The following PPP1R14C variants were observed in gnomAD, a reference collection of about 807,000 sequenced individuals.
PPP1R14C encodes protein phosphatase 1 regulatory inhibitor subunit 14C.
A neutral mutation model predicts 20.4 loss-of-function variants in PPP1R14C; 16 were observed. That is an observed-to-expected ratio of 0.78 (90% CI 0.53 to 1.19). The LOEUF (loss-of-function observed/expected upper bound fraction) is 1.19, where lower values mean the gene tolerates loss of function less well. PPP1R14C is among the 50% of genes most tolerant of loss of function. The pLI, the probability that PPP1R14C is intolerant of heterozygous loss-of-function variation, is 0.00. For missense variants in PPP1R14C, 211 were observed against 220.1 expected, an observed-to-expected ratio of 0.96 and a Z score of 0.26; for synonymous variants, 91 against 91.0, an observed-to-expected ratio of 1.00 and a Z score of 0.00.
chr6:150,225,581 G>T (rs568269695), intron 3 of PPP1R14C, among the ~76,000 whole-genome samples: 13 of 152,208 alleles, frequency 8.5e-5, no homozygotes, highest in African/African-American at 2.4e-4. Context: ...TTTTGAGTTT[G>T]TTCAGCTTTT....
intron 3 of PPP1R14C, among the ~76,000 whole-genome samples, chr6:150,231,940 A>C (rs1778300983): frequency 1.3e-5 from 2 of 152,240 alleles, no homozygotes; most frequent in South Asian, 4.1e-4. Context: ...GTGGTGCAAT[A>C]AAATAACTAT....
rs1413147265 is a variant in PPP1R14C at position 150,164,137 on chromosome 6, G to GCCCCTTTTCATA, written c.306+20640_306+20651dup. Among the ~76,000 whole-genome samples, 4 of 152,284 alleles carry GCCCCTTTTCATA rather than the reference G, an allele frequency of 2.6e-5. No homozygotes were observed. The East Asian group carries it at 5.8e-4, about 22-fold the overall frequency. On this transcript the variant is annotated intron_variant, in intron 1 of 3. Transcript: ENST00000361131. The stretch of plus-strand genomic sequence containing the variant: ...TTTACCTGATGGCTAGTCAAGTCCA[G>GCCCCTTTTCATA]CCCCTTTTCATATGTTTACTGGCCT...
intron 1 of PPP1R14C, 142 bp from the exon 2 acceptor site, chr6:150,214,602 C>G (rs1355036835): frequency 4.9e-6 from 3 of 613,632 alleles, no homozygotes; most frequent in Non-Finnish European, 8.6e-6. Flanking sequence ...CTCCTCTCCC[C>G]CTAGCCTCTC....
intron 1 of PPP1R14C, among the ~76,000 whole-genome samples, chr6:150,167,594 G>A (rs1041322428): frequency 1.3e-5 from 2 of 152,126 alleles, no homozygotes; most frequent in Non-Finnish European, 2.9e-5. Flanking sequence ...TATACGTTCT[G>A]GGAGAACATC....
intron 1 of PPP1R14C, among the ~76,000 whole-genome samples, chr6:150,174,000 T>C (rs186096764): frequency 0.012 from 1,807 of 150,190 alleles, 35 homozygotes; most frequent in African/African-American, 0.042. Flanking sequence ...AATTTGCTTA[T>C]TTGGCACCTC....
intron 1 of PPP1R14C, among the ~76,000 whole-genome samples, chr6:150,191,661 T>C (rs886595064): frequency 6.6e-6 from 1 of 152,238 alleles, no homozygotes. Context: ...ATCTGCAATA[T>C]AGTGTCAAGT....
intron 1 of PPP1R14C, among the ~76,000 whole-genome samples, chr6:150,189,283 C>T (rs1428292738): frequency 6.6e-6 from 1 of 152,178 alleles, no homozygotes; most frequent in Non-Finnish European, 1.5e-5. Context: ...CTCGAAAGCA[C>T]CAGGTGAAGG....
At chr6:150,186,980 C>CTT (rs777549797) in intron 1 of PPP1R14C, among the ~76,000 whole-genome samples, 4 of 145,282 alleles carry the variant, frequency 2.8e-5, no homozygotes, top group Non-Finnish European at 4.6e-5. Context: ...TTGACTTAGT[C>CTT]TTTTTTTTTT....
chr6:150,193,859 A>C (rs558186435), intron 1 of PPP1R14C, among the ~76,000 whole-genome samples: 1 of 152,204 alleles, frequency 6.6e-6, no homozygotes, highest in South Asian at 2.1e-4. Context: ...GCAGGCATTT[A>C]TTGAATGCCT....
At chr6:150,217,051 A>T (rs1270801128) in intron 3 of PPP1R14C, among the ~76,000 whole-genome samples, 195 bp downstream of exon 3, 3 of 152,248 alleles carry the variant, frequency 2.0e-5, no homozygotes, top group African/African-American at 7.2e-5. Context: ...GTTCAGAGAT[A>T]CTTAAAATTA....
chr6:150,249,196 AT>A lies in PPP1R14C; in HGVS notation c.*384del, dbSNP rs369337730. 2.3e-5 allele frequency: 9 copies of A among 398,506 alleles called. No homozygotes were observed. Among genetic ancestry groups the A allele is most frequent in the African/African-American group, 1.0e-4 (5 of 48,500 alleles). 24.7% of individuals were successfully genotyped at this position (398,506 alleles called of 1,614,324 possible). A position where few individuals can be genotyped will look rare whatever the true frequency, so the allele number is the denominator to read the frequency against. Reference sequence around the variant, plus strand: ...GTTTTCTTACAAGTAGTTTGGTAATATTTTTTTTCTTAAGTTGTACATTTGA... The same window carrying A: ...GTTTTCTTACAAGTAGTTTGGTAATATTTTTTTCTTAAGTTGTACATTTGA... On this transcript the variant is annotated 3_prime_UTR_variant, in exon 4 of 4. Coordinates refer to ENST00000361131, the MANE Select transcript of PPP1R14C (RefSeq NM_030949.3).
Position 150,249,246 on chromosome 6 carries a change from T to G in PPP1R14C, c.*426T>G. On this transcript the variant is annotated 3_prime_UTR_variant, in exon 4 of 4. Transcript: ENST00000361131. ...GACTCAGCTGTCAAATTTCTCACAC[T>G]TGTATATATCTACACACAACTAAGT... 1 of 399,942 alleles carries G rather than the reference T, an allele frequency of 2.5e-6. No individual in the cohort carries two copies. 24.8% of individuals were successfully genotyped at this position (399,942 alleles called of 1,614,324 possible).
At chr6:150,213,875 G>T (rs1206814276) in intron 1 of PPP1R14C, among the ~76,000 whole-genome samples, 1 of 152,338 alleles carries the variant, frequency 6.6e-6, no homozygotes, top group Non-Finnish European at 1.5e-5. Context: ...GAAAGAGGTT[G>T]ATTCACTCAC....
intron 2 of PPP1R14C, 137 bp downstream of exon 2, chr6:150,214,964 A>G (rs529063179): frequency 3.2e-6 from 2 of 622,372 alleles, no homozygotes; most frequent in Non-Finnish European, 5.6e-6. Flanking sequence ...CAGAGAGGAA[A>G]GCAATGGGCT....
chr6:150,200,212 AACAC>A (rs1296404890), intron 1 of PPP1R14C, among the ~76,000 whole-genome samples: 1 of 151,302 alleles, frequency 6.6e-6, no homozygotes, highest in Non-Finnish European at 1.5e-5. Flanking sequence ...ACATGTACAC[AACAC>A]ACACACACAC....
intron 1 of PPP1R14C, among the ~76,000 whole-genome samples, chr6:150,145,963 G>A (rs1427027656): frequency 6.6e-6 from 1 of 152,202 alleles, no homozygotes; most frequent in African/African-American, 2.4e-5. Context: ...GCAGTGTAAA[G>A]TGATGTATTT....
chr6:150,248,030 T>C (rs773173692), intron 3 of PPP1R14C, among the ~76,000 whole-genome samples: 3 of 152,168 alleles, frequency 2.0e-5, no homozygotes, highest in Non-Finnish European at 4.4e-5. Flanking sequence ...TTTTGCTGCG[T>C]CATGTCATGG....
intron 1 of PPP1R14C, among the ~76,000 whole-genome samples, chr6:150,174,222 A>G (rs1400613972): frequency 6.6e-6 from 1 of 152,144 alleles, no homozygotes; most frequent in Non-Finnish European, 1.5e-5. Flanking sequence ...GTATTTATAA[A>G]TCAATTACAA....
chr6:150,151,043 G>T (rs1249183754), intron 1 of PPP1R14C, among the ~76,000 whole-genome samples: 1 of 151,418 alleles, frequency 6.6e-6, no homozygotes. Flanking sequence ...TGTTTGTTTT[G>T]TTTTGTTTTT....
Sources: allele counts gnomAD v4.1 joint callset (sites outside exome capture counted in the v4.1 genomes callset), GRCh38; gene constraint gnomAD v4.1.1; transcripts MANE v1.5; gene names NCBI Gene and HGNC (gene_info 2026-07-23, HGNC 2026-07-21).